The following GPC5 variants were observed in gnomAD, a reference collection of about 807,000 sequenced individuals.
The protein encoded by GPC5 is glypican 5.
Under a neutral mutation model 53.9 loss-of-function variants are expected in GPC5, and 47 were observed. That is an observed-to-expected ratio of 0.87 (90% CI 0.69 to 1.11). GPC5 has a LOEUF of 1.11. Among genes scored for constraint, GPC5 ranks in the 50% most tolerant of loss-of-function variants. GPC5 has a pLI of 0.00. For missense variants in GPC5, 748 were observed against 713.1 expected (o/e 1.05, Z -0.56); for synonymous variants, 286 against 263.3 (o/e 1.09, Z -0.84).
intron 7 of GPC5, among the ~76,000 whole-genome samples, chr13:92,453,724 A>C (rs1178623327): frequency 6.6e-6 from 1 of 152,156 alleles, no homozygotes; most frequent in Non-Finnish European, 1.5e-5. Context: ...AGGGAAATGG[A>C]AGCATAGCAT....
At chr13:92,696,000 C>T (rs1261441436) in intron 7 of GPC5, among the ~76,000 whole-genome samples, 1 of 152,138 alleles carries the variant, frequency 6.6e-6, no homozygotes, top group African/African-American at 2.4e-5. Flanking sequence ...TTTCCAGCCT[C>T]ATCCACGTCC....
chr13:92,006,019 C>A (rs1433342344), intron 6 of GPC5, among the ~76,000 whole-genome samples: 1 of 152,140 alleles, frequency 6.6e-6, no homozygotes, highest in African/African-American at 2.4e-5. Flanking sequence ...TTAGCATCTA[C>A]CCCAAGACAT....
intron 3 of GPC5, among the ~76,000 whole-genome samples, chr13:91,717,089 C>A (rs927551193): frequency 6.6e-6 from 1 of 151,950 alleles, no homozygotes; most frequent in Non-Finnish European, 1.5e-5. Flanking sequence ...GTTGAGAGAT[C>A]GAGAGCAATT....
At chr13:92,730,197 T>A (rs545902158) in intron 7 of GPC5, among the ~76,000 whole-genome samples, 2 of 151,572 alleles carry the variant, frequency 1.3e-5, no homozygotes, top group South Asian at 4.1e-4. Context: ...TATTTTTTAA[T>A]AGACTTCATT....
At chr13:91,962,444 C>G (rs965533650) in intron 6 of GPC5, among the ~76,000 whole-genome samples, 2 of 151,956 alleles carry the variant, frequency 1.3e-5, no homozygotes, top group African/African-American at 4.8e-5. Context: ...TTAGTGTGGT[C>G]TGTGTGAGCT....
chr13:92,172,566 A>G (rs919473776), intron 7 of GPC5, among the ~76,000 whole-genome samples: 3 of 152,186 alleles, frequency 2.0e-5, no homozygotes, highest in African/African-American at 7.2e-5. Context: ...ATCTCAGTGT[A>G]TTGGAAAATT....
Position 92,016,144 on chromosome 13 carries a change from C to T in GPC5, c.1401+108087C>T, listed in dbSNP as rs72633785. On this transcript the variant is annotated intron_variant, in intron 6 of 7. Transcript: ENST00000377067. ...GTGGTTACTGGGAGAGCAGCTTGCA[C>T]TTTTCAATGTCAAATGCACGCTATG... 5.6e-3 allele frequency among the ~76,000 whole-genome samples: 857 copies of T among 152,274 alleles called. 5 individuals are homozygous for T. Among genetic ancestry groups the T allele is most frequent in the Middle Eastern group, 0.014 (4 of 294 alleles).
chr13:92,743,978 T>TA (rs762007956), intron 7 of GPC5, among the ~76,000 whole-genome samples: 6 of 151,984 alleles, frequency 3.9e-5, no homozygotes, highest in Non-Finnish European at 7.4e-5. Context: ...TTGCAGTTGA[T>TA]AAATATCCCT....
At chr13:92,633,545 C>G (rs987606458) in intron 7 of GPC5, among the ~76,000 whole-genome samples, 1 of 152,018 alleles carries the variant, frequency 6.6e-6, no homozygotes, top group Admixed American at 6.6e-5. Context: ...GTTTTATTTT[C>G]TAATTGGCTA....
chr13:92,692,670 T>TA (rs1357251203), intron 7 of GPC5, among the ~76,000 whole-genome samples: 1 of 148,192 alleles, frequency 6.7e-6, no homozygotes, highest in Non-Finnish European at 1.5e-5. Context: ...CCCTAAAACT[T>TA]AAAGTATAAT....
At chr13:92,644,692 G>A (rs1413030500) in intron 7 of GPC5, among the ~76,000 whole-genome samples, 1 of 152,048 alleles carries the variant, frequency 6.6e-6, no homozygotes, top group Non-Finnish European at 1.5e-5. Flanking sequence ...ATGAAATATT[G>A]TAATATATTA....
At chr13:92,440,670 C>T (rs1398191773) in intron 7 of GPC5, among the ~76,000 whole-genome samples, 2 of 152,130 alleles carry the variant, frequency 1.3e-5, no homozygotes, top group African/African-American at 4.8e-5. Flanking sequence ...TTTGAGAAAT[C>T]TCCAAACTGC....
chr13:92,368,505 A>AT (rs933472018), intron 7 of GPC5, among the ~76,000 whole-genome samples: 17 of 151,190 alleles, frequency 1.1e-4, no homozygotes, highest in African/African-American at 3.6e-4. Flanking sequence ...TTAGCCCGGC[A>AT]TTGTGGCAGG....
At chr13:91,960,436 G>C (rs955032471) in intron 6 of GPC5, among the ~76,000 whole-genome samples, 2 of 151,844 alleles carry the variant, frequency 1.3e-5, no homozygotes, top group Non-Finnish European at 2.9e-5. Context: ...ATGAACAAAT[G>C]GAAAGACATC....
At chr13:91,761,558 C>A (rs1451385064) in intron 5 of GPC5, among the ~76,000 whole-genome samples, 3 of 152,148 alleles carry the variant, frequency 2.0e-5, no homozygotes, top group African/African-American at 7.2e-5. Flanking sequence ...TTTCTACAAC[C>A]CCCTCTTTGG....
At chr13:91,441,604 A>G (rs1566401035) in intron 1 of GPC5, among the ~76,000 whole-genome samples, 1 of 152,164 alleles carries the variant, frequency 6.6e-6, no homozygotes. Flanking sequence ...CTGGATTTTC[A>G]AAGAATATTC....
intron 7 of GPC5, among the ~76,000 whole-genome samples, chr13:92,217,477 G>C (rs1383342045): frequency 6.6e-6 from 1 of 152,084 alleles, no homozygotes; most frequent in Non-Finnish European, 1.5e-5. Flanking sequence ...TGTCAGATTG[G>C]TTTAGCCAGA....
chr13:91,491,398 C>T (rs553749400), intron 2 of GPC5, among the ~76,000 whole-genome samples: 18 of 152,192 alleles, frequency 1.2e-4, no homozygotes, highest in African/African-American at 4.1e-4. Flanking sequence ...GCAAACTATT[C>T]GGCATATAAC....
chr13:91,879,356 C>A (rs2039240085), intron 5 of GPC5, among the ~76,000 whole-genome samples: 1 of 152,098 alleles, frequency 6.6e-6, no homozygotes, highest in African/African-American at 2.4e-5. Context: ...TTTTATCGGT[C>A]ATGCATGTTA....
Sources: allele counts gnomAD v4.1 joint callset (sites outside exome capture counted in the v4.1 genomes callset), GRCh38; gene constraint gnomAD v4.1.1; transcripts MANE v1.5; gene names NCBI Gene and HGNC (gene_info 2026-07-23, HGNC 2026-07-21).